LDB2: variants seen among roughly 807,000 people sequenced by gnomAD.
LDB2 encodes the protein LIM domain-binding protein 2.
LDB2 carries 12 observed loss-of-function variants against 44.3 expected under a neutral mutation model. That is an observed-to-expected ratio of 0.27 (90% CI 0.17 to 0.44). LDB2 has a LOEUF of 0.44. LDB2 is among the 20% of genes least tolerant of loss of function. The probability of loss-of-function intolerance (pLI) is 1.00; values close to 1 mark genes in which losing one functional copy is unlikely to be tolerated. For synonymous variants in LDB2, 164 were observed against 174.8 expected (o/e 0.94, Z 0.49); for missense variants, 344 against 473.5 (o/e 0.73, Z 2.54).
chr4:16,559,450 A>T (rs1341721526), intron 5 of LDB2, among the ~76,000 whole-genome samples: 2 of 152,174 alleles, frequency 1.3e-5, no homozygotes, highest in Non-Finnish European at 2.9e-5. Context: ...AAACCAACAA[A>T]GATCAAAAGA....
intron 2 of LDB2, among the ~76,000 whole-genome samples, chr4:16,653,474 A>C (rs1447350545): frequency 6.6e-6 from 1 of 152,186 alleles, no homozygotes; most frequent in African/African-American, 2.4e-5. Flanking sequence ...AAAATGGCAA[A>C]AGTAAGGTGT....
At chr4:16,511,729 C>T (rs1451661997) in intron 6 of LDB2, among the ~76,000 whole-genome samples, 1 of 152,188 alleles carries the variant, frequency 6.6e-6, no homozygotes, top group African/African-American at 2.4e-5. Context: ...TCTTGATGAC[C>T]TTGAACACGT....
At chr4:16,817,789 C>T (rs1161758578) in intron 1 of LDB2, among the ~76,000 whole-genome samples, 1 of 152,018 alleles carries the variant, frequency 6.6e-6, no homozygotes, top group African/African-American at 2.4e-5. Context: ...AATTAAGTAT[C>T]GAGCGCAAGG....
chr4:16,699,186 G>C (rs186191025), intron 2 of LDB2, among the ~76,000 whole-genome samples: 1 of 152,202 alleles, frequency 6.6e-6, no homozygotes, highest in Non-Finnish European at 1.5e-5. Context: ...ATCTTTAATC[G>C]TAAGATAACT....
At chr4:16,564,924 T>G (rs2152387339) in intron 5 of LDB2, among the ~76,000 whole-genome samples, 1 of 152,308 alleles carries the variant, frequency 6.6e-6, no homozygotes, top group South Asian at 2.1e-4. Flanking sequence ...TTAGTAACAC[T>G]CAACACTGAC....
At chr4:16,560,054 C>T (rs1480477232) in intron 5 of LDB2, among the ~76,000 whole-genome samples, 2 of 152,148 alleles carry the variant, frequency 1.3e-5, no homozygotes, top group Non-Finnish European at 2.9e-5. Flanking sequence ...ATCTCTGGGA[C>T]ACATTCAAAG....
chr4:16,881,936 T>C (rs1229050213), intron 1 of LDB2, among the ~76,000 whole-genome samples: 5 of 152,200 alleles, frequency 3.3e-5, no homozygotes, highest in African/African-American at 1.2e-4. Context: ...ATCAGAGATG[T>C]AGCATTGTTA....
chr4:16,781,332 A>T (rs558787077), intron 1 of LDB2, among the ~76,000 whole-genome samples: 3 of 152,210 alleles, frequency 2.0e-5, no homozygotes, highest in Non-Finnish European at 4.4e-5. Flanking sequence ...ATGAGTCTTC[A>T]CAGAGTAACT....
intron 7 of LDB2, 79 bp downstream of exon 7, chr4:16,508,456 A>G: frequency 3.3e-6 from 4 of 1,207,300 alleles, no homozygotes; most frequent in Non-Finnish European, 4.4e-6. Context: ...TTTTCTAATG[A>G]AAAGAGACTT....
Position 16,596,022 on chromosome 4 carries a change from C to G in LDB2, c.236-147G>C, listed in dbSNP as rs1287327266. ...AGGCAAATTTCTCTTTAAAAACAGC[C>G]ATGACCCTTCTGGGTTGCAGTTAAT... On this transcript the variant is annotated intron_variant, in intron 2 of 7. Transcript: ENST00000304523. 8 of 749,116 alleles carry G rather than the reference C, an allele frequency of 1.1e-5. No homozygotes were observed. The East Asian group carries it at 2.2e-4, about 21-fold the overall frequency. The allele number at this position is 749,116 out of a possible 1,614,324, so 46.4% of individuals were successfully genotyped here. A position where few individuals can be genotyped will look rare whatever the true frequency, so the allele number is the denominator to read the frequency against.
At chr4:16,747,584 G>A (rs1764646851) in intron 2 of LDB2, among the ~76,000 whole-genome samples, 1 of 152,204 alleles carries the variant, frequency 6.6e-6, no homozygotes, top group Non-Finnish European at 1.5e-5. Context: ...GAGTTTACCA[G>A]ATGCTAGTAC....
intron 1 of LDB2, among the ~76,000 whole-genome samples, chr4:16,790,566 G>T (rs529112785): frequency 9.5e-4 from 145 of 152,282 alleles, no homozygotes; most frequent in African/African-American, 3.3e-3. Context: ...TACACTCCAT[G>T]ACGTTTGCAT....
At chr4:16,524,684 A>G (rs1009614112) in intron 5 of LDB2, among the ~76,000 whole-genome samples, 1 of 152,222 alleles carries the variant, frequency 6.6e-6, no homozygotes, top group Admixed American at 6.5e-5. Flanking sequence ...TGCAAATGCC[A>G]TTAGGGTTTA....
chr4:16,733,108 G>A (rs113304195), intron 2 of LDB2, among the ~76,000 whole-genome samples: 6 of 152,130 alleles, frequency 3.9e-5, no homozygotes, highest in African/African-American at 4.8e-5. Context: ...GCACTCAGGC[G>A]CCTTCTTACT....
At chr4:16,864,482 A>G (rs1003953873) in intron 1 of LDB2, among the ~76,000 whole-genome samples, 5 of 152,214 alleles carry the variant, frequency 3.3e-5, no homozygotes, top group Non-Finnish European at 5.9e-5. Context: ...CAGTAAGTGT[A>G]AGACTCGGGT....
intron 2 of LDB2, among the ~76,000 whole-genome samples, chr4:16,730,970 G>A (rs1760628925): frequency 6.6e-6 from 1 of 152,144 alleles, no homozygotes; most frequent in African/African-American, 2.4e-5. Context: ...AGGCATTATG[G>A]CAAGGGAAAA....
intron 1 of LDB2, among the ~76,000 whole-genome samples, chr4:16,876,535 G>T (rs1050743996): frequency 5.3e-5 from 8 of 152,170 alleles, no homozygotes; most frequent in African/African-American, 4.8e-5. Flanking sequence ...TTCATTTTAT[G>T]TGCAATATGG....
At chr4:16,823,224 C>T (rs548915430) in intron 1 of LDB2, among the ~76,000 whole-genome samples, 2 of 152,326 alleles carry the variant, frequency 1.3e-5, no homozygotes, top group East Asian at 1.9e-4. Context: ...CCTCATTTTA[C>T]AGATCAGAGT....
chr4:16,874,928 A>AT (rs1183947221), intron 1 of LDB2, among the ~76,000 whole-genome samples: 1 of 152,160 alleles, frequency 6.6e-6, no homozygotes, highest in Non-Finnish European at 1.5e-5. Context: ...AGCTCTTTCA[A>AT]TTTTTTCAAT....
Sources: gnomAD v4.1 joint callset for allele counts (sites outside exome capture counted in the v4.1 genomes callset) on GRCh38, gnomAD v4.1.1 for gene constraint, MANE v1.5 for transcripts, NCBI Gene and HGNC (gene_info 2026-07-23, HGNC 2026-07-21) for gene names.